Variants in FRZB observed in about 807,000 individuals in gnomAD.
The protein encoded by FRZB is secreted frizzled-related protein 3.
In FRZB, 34 loss-of-function variants were observed where a neutral mutation model predicts 32.5. That is an observed-to-expected ratio of 1.05 (90% CI 0.80 to 1.39). The LOEUF (loss-of-function observed/expected upper bound fraction) is 1.39. FRZB is among the 40% of genes most tolerant of loss of function. The pLI is 0.00. For missense variants in FRZB, 423 were observed against 424.8 expected, an observed-to-expected ratio of 1.00 and a Z score of 0.04; for synonymous variants, 170 against 159.2, an observed-to-expected ratio of 1.07 and a Z score of -0.51.
Position 182,866,475 on chromosome 2 carries a change from C to A in FRZB, c.78G>T (p.Arg26=). 6.4e-7 allele frequency: 1 copy of A among 1,558,534 alleles called. No individual in the cohort carries two copies. Among genetic ancestry groups the A allele is most frequent in the Middle Eastern group, 1.8e-4 (1 of 5,636 alleles). ...LLALAALCLL[R]VPGARAAACE... The stretch of plus-strand genomic sequence containing the variant: ...AGGCTGCAGCCCGAGCCCCGGGCAC[C>A]CGGAGCAGGCAGAGAGCAGCCAGGG... Residue 26 remains arginine, a synonymous_variant, in exon 1 of 6, where the codon CGG becomes CGT. Transcript: ENST00000295113. The surrounding 1 kb of genome is among the most constrained non-coding windows in gnomAD (Gnocchi z 4.5).
At position 182,834,983 on chromosome 2, in the gene FRZB, G is replaced by A. The variant is rs144385956; in HGVS notation, c.862-18C>T. 1.2e-4 allele frequency: 186 copies of A among 1,549,352 alleles called. No individual in the cohort carries two copies. The East Asian group carries it at 4.0e-3, about 33-fold the overall frequency. On this transcript the variant is annotated intron_variant, in intron 5 of 5. Transcript: ENST00000295113. ...TCCCAGCGCTGTGAAATTTAAAATA[G>A]AAAATAGTCACAAGCACATATCACC...
chr2:182,855,672 G>T (rs1224671108), intron 2 of FRZB, among the ~76,000 whole-genome samples: 1 of 152,026 alleles, frequency 6.6e-6, no homozygotes, highest in East Asian at 1.9e-4. Flanking sequence ...AATATCAGAA[G>T]ATCTAACATT....
At chr2:182,865,765 A>G (rs766220630) in intron 1 of FRZB, among the ~76,000 whole-genome samples, 1 of 152,240 alleles carries the variant, frequency 6.6e-6, no homozygotes, top group Non-Finnish European at 1.5e-5. Flanking sequence ...ACATGTAAGG[A>G]GTTGAAGTGA....
intron 1 of FRZB, among the ~76,000 whole-genome samples, chr2:182,865,637 A>C (rs1695881673): frequency 6.6e-6 from 1 of 152,218 alleles, no homozygotes; most frequent in Non-Finnish European, 1.5e-5. Flanking sequence ...CATCTAAGAC[A>C]CTAAAGATAC....
chr2:182,834,940 AGAT>A lies in FRZB; in HGVS notation c.884_886del (p.His295del). 1 of 1,613,152 alleles carries A rather than the reference AGAT, an allele frequency of 6.2e-7. No individual in the cohort carries two copies. Among genetic ancestry groups the A allele is most frequent in the Non-Finnish European group, 8.5e-7 (1 of 1,179,360 alleles). The stretch of plus-strand genomic sequence containing the variant: ...GCTAGAATCACTTTTACTGAGTCCA[AGAT>A]GACGAAGCTTCATATCCCAGCGCTG... On this transcript the variant is annotated inframe_deletion, in exon 6 of 6. Coordinates refer to ENST00000295113, the MANE Select transcript of FRZB (RefSeq NM_001463.4).
At position 182,866,499 on chromosome 2, in the gene FRZB, G is replaced by T; in HGVS notation, c.54C>A (p.Ala18=). The change falls in exon 1 of 6, where the codon GCC becomes GCA. Residue 18 remains alanine (A), a synonymous_variant. Transcript: ENST00000295113. This position sits in a 1 kb window ranked among gnomAD's most constrained non-coding sequence, Gnocchi z 4.5. ...GMLLLRAGLL[A]LAALCLLRVP... Reference sequence around the variant, plus strand: ...CCCGGAGCAGGCAGAGAGCAGCCAGGGCAAGCAGCCCGGCCCGCAGCAGCA... The same window carrying T: ...CCCGGAGCAGGCAGAGAGCAGCCAGTGCAAGCAGCCCGGCCCGCAGCAGCA... 1 of 1,523,274 alleles carries T rather than the reference G, an allele frequency of 6.6e-7. No homozygotes were observed. Among genetic ancestry groups the T allele is most frequent in the Non-Finnish European group, 8.8e-7 (1 of 1,135,722 alleles). The allele number at this position is 1,523,274 out of a possible 1,614,324, so 94.4% of individuals were successfully genotyped here. A position where few individuals can be genotyped will look rare whatever the true frequency, so the allele number is the denominator to read the frequency against.
chr2:182,848,616 C>T (rs6720785), intron 2 of FRZB, among the ~76,000 whole-genome samples: 4,315 of 152,026 alleles, frequency 0.028, 144 homozygotes, highest in African/African-American at 0.088. Context: ...GGGAAGAAAA[C>T]GAACAACAAC....
At chr2:182,849,275 T>C (rs1468616987) in intron 2 of FRZB, among the ~76,000 whole-genome samples, 2 of 134,202 alleles carry the variant, frequency 1.5e-5, no homozygotes, top group Non-Finnish European at 3.3e-5. Flanking sequence ...AATAAATAAA[T>C]AAATGTTCTT....
Position 182,842,501 on chromosome 2 carries a change from T to C in FRZB, c.569A>G (p.Tyr190Cys). The C allele has an allele frequency of 1.2e-6, 2 of 1,612,890 alleles. No individual in the cohort carries two copies. Among genetic ancestry groups the C allele is most frequent in the Non-Finnish European group, 1.7e-6 (2 of 1,179,060 alleles). The change falls in exon 3 of 6, where the codon TAT becomes TGT. Residue 190 changes from tyrosine to cysteine, a missense_variant. Physicochemically the swap from Tyr to Cys is radical, Grantham distance 194. Coordinates refer to ENST00000295113, the MANE Select transcript of FRZB (RefSeq NM_001463.4). ...CKPIRATQKT[Y>C]FRNNYNYVIR... The stretch of plus-strand genomic sequence containing the variant: ...ACCATAGTTGTAATTGTTCCGGAAA[T>C]AGGTCTTCTGTGTAGCTCTAATAGG...
intron 2 of FRZB, among the ~76,000 whole-genome samples, chr2:182,847,593 G>A (rs1219963511): frequency 6.6e-6 from 1 of 152,184 alleles, no homozygotes; most frequent in Non-Finnish European, 1.5e-5. Flanking sequence ...AGGAAAAGGA[G>A]AGAAAGGTAC....
chr2:182,855,091 T>C (rs1238877562), intron 2 of FRZB, among the ~76,000 whole-genome samples: 1 of 152,138 alleles, frequency 6.6e-6, no homozygotes, highest in Non-Finnish European at 1.5e-5. Flanking sequence ...CTTCGAAGGC[T>C]TTGGAAATGG....
At chr2:182,844,273 T>C (rs1695616183) in intron 2 of FRZB, among the ~76,000 whole-genome samples, 1 of 152,192 alleles carries the variant, frequency 6.6e-6, no homozygotes, top group Non-Finnish European at 1.5e-5. Context: ...CATTAGTGCT[T>C]GTTGCTATTT....
intron 1 of FRZB, among the ~76,000 whole-genome samples, chr2:182,862,560 C>T (rs1317421344): frequency 6.6e-6 from 1 of 152,128 alleles, no homozygotes; most frequent in Non-Finnish European, 1.5e-5. Flanking sequence ...CAGTGTAAAG[C>T]TTTTTTGTTT....
intron 1 of FRZB, among the ~76,000 whole-genome samples, chr2:182,863,520 A>G (rs1265089862): frequency 6.6e-6 from 1 of 152,254 alleles, no homozygotes; most frequent in Non-Finnish European, 1.5e-5. Flanking sequence ...ATGATATACT[A>G]TGAGAGAACA....
In FRZB at chr2:182,852,255, G is replaced by A. The variant is rs1695718083; in HGVS notation, c.526+6531C>T. 2.0e-5 allele frequency among the ~76,000 whole-genome samples: 3 copies of A among 152,160 alleles called. No homozygotes were observed. The South Asian group carries it at 6.2e-4, about 31-fold the overall frequency. The stretch of plus-strand genomic sequence containing the variant: ...CTAAGCATAAATCATGTCAGCAAAA[G>A]TGGGAGTGGCTGGGCAGGCCTGGCA... On this transcript the variant is annotated intron_variant, in intron 2 of 5. Coordinates refer to ENST00000295113, the MANE Select transcript of FRZB (RefSeq NM_001463.4).
intron 2 of FRZB, among the ~76,000 whole-genome samples, chr2:182,845,126 AG>A (rs1156970734): frequency 3.9e-5 from 6 of 152,152 alleles, no homozygotes; most frequent in Non-Finnish European, 8.8e-5. Flanking sequence ...ATTCATGAAA[AG>A]GGTATCTTAG....
intron 2 of FRZB, among the ~76,000 whole-genome samples, chr2:182,858,405 A>T (rs528205962): frequency 6.6e-6 from 1 of 152,304 alleles, no homozygotes; most frequent in South Asian, 2.1e-4. Context: ...ATCGAACCTC[A>T]AATAGAGAAA....
chr2:182,866,511 G>C lies in FRZB; in HGVS notation c.42C>G (p.Ala14=). The change falls in exon 1 of 6, where the codon GCC becomes GCG. Residue 14 remains alanine (A), a synonymous_variant. Coordinates refer to ENST00000295113, the MANE Select transcript of FRZB (RefSeq NM_001463.4). The surrounding 1 kb of genome is among the most constrained non-coding windows in gnomAD (Gnocchi z 4.5). ...GSPGGMLLLR[A]GLLALAALCL... ...AGAGAGCAGCCAGGGCAAGCAGCCC[G>C]GCCCGCAGCAGCAGCATCCCTCCCG... The C allele has an allele frequency of 6.7e-7, 1 of 1,501,754 alleles. No homozygotes were observed. The allele number at this position is 1,501,754 out of a possible 1,614,324, so 93.0% of individuals were successfully genotyped here.
chr2:182,858,862 A>G, intron 1 of FRZB, 29 bp from the exon 2 acceptor site: 1 of 1,554,682 alleles, frequency 6.4e-7, no homozygotes, highest in Non-Finnish European at 8.9e-7. Context: ...AAAAAGAACT[A>G]TAACATATCT....
Sources: allele counts gnomAD v4.1 joint callset (sites outside exome capture counted in the v4.1 genomes callset), GRCh38; gene constraint gnomAD v4.1.1; non-coding constraint Gnocchi (gnomAD v3.1); transcripts MANE v1.5; gene names NCBI Gene and HGNC (gene_info 2026-07-23, HGNC 2026-07-21).